Variants in PTPRD observed in about 807,000 individuals in gnomAD.
PTPRD encodes the protein protein tyrosine phosphatase receptor type D, also known as receptor-type tyrosine-protein phosphatase delta.
A neutral mutation model predicts 214.5 loss-of-function variants in PTPRD; 34 were observed. The observed-to-expected ratio is 0.16, with a 90% CI of 0.12 to 0.21. PTPRD has a LOEUF of 0.21. Among genes scored for constraint, PTPRD ranks in the 10% least tolerant of loss-of-function variants. The probability of loss-of-function intolerance (pLI) is 1.00; values close to 1 mark genes in which losing one functional copy is unlikely to be tolerated. For synonymous variants in PTPRD, 1,128 were observed against 845.7 expected (o/e 1.33, Z -5.79); for missense variants, 2,545 against 2,398.7 (o/e 1.06, Z -1.27).
intron 2 of PTPRD, among the ~76,000 whole-genome samples, chr9:10,420,962 C>G (rs2098540054): frequency 1.3e-5 from 2 of 151,768 alleles, no homozygotes; most frequent in Non-Finnish European, 2.9e-5. Context: ...GTGCATTTAT[C>G]ATTTACACAG....
At chr9:8,855,857 T>C (rs979546184) in intron 11 of PTPRD, among the ~76,000 whole-genome samples, 1 of 152,218 alleles carries the variant, frequency 6.6e-6, no homozygotes, top group African/African-American at 2.4e-5. Context: ...AATTTTTAAC[T>C]GGACACAATC....
At chr9:10,575,216 T>A (rs2068822387) in intron 2 of PTPRD, among the ~76,000 whole-genome samples, 1 of 152,048 alleles carries the variant, frequency 6.6e-6, no homozygotes, top group Non-Finnish European at 1.5e-5. Flanking sequence ...TAATCATCAT[T>A]ATTAAGAATT....
intron 44 of PTPRD, among the ~76,000 whole-genome samples, chr9:8,320,817 A>G (rs535361409): frequency 6.6e-6 from 1 of 152,266 alleles, no homozygotes; most frequent in Admixed American, 6.5e-5. Flanking sequence ...AAATTAATTC[A>G]TAGCTCTTGT....
At chr9:10,572,496 C>G (rs887793901) in intron 2 of PTPRD, among the ~76,000 whole-genome samples, 1 of 152,068 alleles carries the variant, frequency 6.6e-6, no homozygotes, top group Non-Finnish European at 1.5e-5. Flanking sequence ...TAAAGTGGGA[C>G]AAAGAATGAT....
intron 9 of PTPRD, among the ~76,000 whole-genome samples, chr9:9,351,196 C>T (rs2050983962): frequency 1.3e-5 from 2 of 151,924 alleles, no homozygotes; most frequent in South Asian, 4.1e-4. Context: ...TTGAGTTTTG[C>T]CTCATTTCAC....
chr9:9,427,667 G>A (rs1454903700), intron 8 of PTPRD, among the ~76,000 whole-genome samples: 1 of 152,152 alleles, frequency 6.6e-6, no homozygotes, highest in African/African-American at 2.4e-5. Flanking sequence ...AGAGAGAAAG[G>A]TTGGGTTACC....
At chr9:9,826,516 G>A (rs140150519) in intron 5 of PTPRD, among the ~76,000 whole-genome samples, 2 of 151,914 alleles carry the variant, frequency 1.3e-5, no homozygotes, top group East Asian at 1.9e-4. Flanking sequence ...CCATTATAAA[G>A]TAATTTATCA....
intron 12 of PTPRD, among the ~76,000 whole-genome samples, chr9:8,704,412 G>GA (rs2098155794): frequency 6.6e-6 from 1 of 151,848 alleles, no homozygotes; most frequent in African/African-American, 2.4e-5. Context: ...TGGGAAGAAG[G>GA]AAAAAAAGGA....
At chr9:8,722,738 G>A (rs1163233666) in intron 12 of PTPRD, among the ~76,000 whole-genome samples, 3 of 152,060 alleles carry the variant, frequency 2.0e-5, no homozygotes, top group African/African-American at 4.8e-5. Flanking sequence ...CTGCAGCTAT[G>A]GATATTGATG....
intron 4 of PTPRD, among the ~76,000 whole-genome samples, chr9:9,951,073 A>C (rs144365703): frequency 6.6e-6 from 1 of 152,158 alleles, no homozygotes; most frequent in African/African-American, 2.4e-5. Context: ...TAAATGCGTC[A>C]TAAGTACCAG....
intron 14 of PTPRD, among the ~76,000 whole-genome samples, chr9:8,600,039 T>C (rs2094741671): frequency 6.6e-6 from 1 of 152,190 alleles, no homozygotes; most frequent in African/African-American, 2.4e-5. Flanking sequence ...TTGCCCACGC[T>C]GCCCCTCCCC....
intron 13 of PTPRD, among the ~76,000 whole-genome samples, chr9:8,634,348 T>C (rs1184642113): frequency 6.6e-6 from 1 of 152,098 alleles, no homozygotes; most frequent in Non-Finnish European, 1.5e-5. Flanking sequence ...TGAGAAGTTG[T>C]GCCTTTTTTC....
At chr9:9,588,621 G>C (rs1015076861) in intron 7 of PTPRD, among the ~76,000 whole-genome samples, 7 of 151,910 alleles carry the variant, frequency 4.6e-5, no homozygotes, top group African/African-American at 1.7e-4. Context: ...GAAATAATTA[G>C]GAATAACTCT....
intron 11 of PTPRD, among the ~76,000 whole-genome samples, chr9:8,849,477 C>T (rs1286723651): frequency 1.3e-5 from 2 of 152,156 alleles, no homozygotes; most frequent in African/African-American, 2.4e-5. Context: ...CCACCGGCCT[C>T]GGCCTCCCAA....
intron 2 of PTPRD, among the ~76,000 whole-genome samples, chr9:10,351,493 T>G (rs2097181713): frequency 6.6e-6 from 1 of 152,004 alleles, no homozygotes; most frequent in Non-Finnish European, 1.5e-5. Flanking sequence ...GAAAATATAT[T>G]GTATTGGAGT....
At chr9:9,976,191 T>A (rs1468783215) in intron 4 of PTPRD, among the ~76,000 whole-genome samples, 1 of 152,172 alleles carries the variant, frequency 6.6e-6, no homozygotes, top group Non-Finnish European at 1.5e-5. Flanking sequence ...CAGTAGTGTG[T>A]GAGCTTTGTC....
At chr9:10,500,166 C>A (rs1439122400) in intron 2 of PTPRD, among the ~76,000 whole-genome samples, 1 of 151,838 alleles carries the variant, frequency 6.6e-6, no homozygotes, top group Non-Finnish European at 1.5e-5. Flanking sequence ...TTACAACTTT[C>A]ATGCATATGT....
At chr9:8,507,584 C>T in intron 21 of PTPRD, 150 bp from the exon 22 acceptor site, 1 of 883,114 alleles carries the variant, frequency 1.1e-6, no homozygotes, top group Non-Finnish European at 1.7e-6. Context: ...TCCAAGTTAA[C>T]CTCTTTGTGT....
intron 8 of PTPRD, among the ~76,000 whole-genome samples, chr9:9,467,234 T>A (rs10977790): frequency 2.1e-4 from 26 of 123,044 alleles, no homozygotes; most frequent in East Asian, 1.1e-3. Flanking sequence ...TTTTTTTTTT[T>A]TTTAACCTAA....
Sources: gnomAD v4.1 joint callset for allele counts (sites outside exome capture counted in the v4.1 genomes callset) on GRCh38, gnomAD v4.1.1 for gene constraint, MANE v1.5 for transcripts, NCBI Gene and HGNC (gene_info 2026-07-23, HGNC 2026-07-21) for gene names.